The following AGR3 variants were observed in gnomAD, a reference collection of about 807,000 sequenced individuals.
AGR3 encodes anterior gradient 3, protein disulphide isomerase family member.
Under a neutral mutation model 24.5 loss-of-function variants are expected in AGR3, and 37 were observed. That is an observed-to-expected ratio of 1.51 (90% CI 1.16 to 1.99). AGR3 has a LOEUF of 1.99. Ranked by LOEUF, AGR3 falls within the 30% of genes most tolerant of loss-of-function variation. The pLI, the probability that AGR3 is intolerant of heterozygous loss-of-function variation, is 0.00. For missense variants in AGR3, 228 were observed against 191.1 expected (o/e 1.19, Z -1.14); for synonymous variants, 75 against 61.6 (o/e 1.22, Z -1.02).
chr7:16,878,373 C>A (rs1782032239), intron 2 of AGR3, 137 bp downstream of exon 2: 4 of 675,830 alleles, frequency 5.9e-6, no homozygotes, highest in African/African-American at 1.8e-5. Context: ...TTAAAAAATC[C>A]ATTTTGAAGT....
intron 1 of AGR3, among the ~76,000 whole-genome samples, chr7:16,880,470 C>CCCCTCCTTTCCCCTCCTT (rs1782089630): frequency 1.3e-4 from 6 of 47,646 alleles, no homozygotes; most frequent in African/African-American, 4.4e-4. Flanking sequence ...CTCCTTTCCT[C>CCCCTCCTTTCCCCTCCTT]TCCCCTCCTT....
At chr7:16,870,749 A>G (rs888699716) in intron 3 of AGR3, among the ~76,000 whole-genome samples, 1 of 152,068 alleles carries the variant, frequency 6.6e-6, no homozygotes, top group Non-Finnish European at 1.5e-5. Flanking sequence ...CTAAATCTCA[A>G]TTTGTCAGGG....
chr7:16,869,376 T>G, intron 3 of AGR3, among the ~76,000 whole-genome samples: 1 of 152,184 alleles, frequency 6.6e-6, no homozygotes, highest in Non-Finnish European at 1.5e-5. Flanking sequence ...TTGTTTTGTT[T>G]CCATTTATAT....
At chr7:16,856,166 A>T (rs1203988197), downstream of AGR3, among the ~76,000 whole-genome samples, 3 of 152,202 alleles carry the variant, frequency 2.0e-5, no homozygotes, top group Non-Finnish European at 4.4e-5. Flanking sequence ...AATTTCTTTT[A>T]TCCAGTCTAT....
chr7:16,866,334 T>C (rs892842347), intron 3 of AGR3: 3 of 514,550 alleles, frequency 5.8e-6, no homozygotes, highest in African/African-American at 5.7e-5. Context: ...TTCCCATCCA[T>C]AGTATAGGAC....
intron 3 of AGR3, chr7:16,864,358 C>T (rs995246399): frequency 2.7e-5 from 36 of 1,331,266 alleles, no homozygotes; most frequent in Non-Finnish European, 3.6e-5. Context: ...AGGCAGTTCA[C>T]TGGCACTATT....
intron 1 of AGR3, among the ~76,000 whole-genome samples, chr7:16,879,367 T>G (rs1420259513): frequency 2.0e-5 from 3 of 152,242 alleles, no homozygotes; most frequent in Non-Finnish European, 4.4e-5. Flanking sequence ...TAACTCAATG[T>G]GCATCTTTTA....
At position 16,863,269 on chromosome 7, in the gene AGR3, T is replaced by A. The variant is rs745895027; in HGVS notation, c.174-607A>T. Among the ~76,000 whole-genome samples the A allele has an allele frequency of 1.2e-3, 176 of 152,234 alleles. 1 individual carries two copies. Among genetic ancestry groups the A allele is most frequent in the Non-Finnish European group, 7.2e-4 (49 of 68,038 alleles). On this transcript the variant is annotated intron_variant, in intron 3 of 7. Transcript: ENST00000310398. ...TTATGAACAATGTATTCATTTCCAATGAACACTTAGTATAAGATTTCAGGA... is the reference window on the plus strand; with the variant it reads ...TTATGAACAATGTATTCATTTCCAAAGAACACTTAGTATAAGATTTCAGGA...
intron 2 of AGR3, among the ~76,000 whole-genome samples, 173 bp from the exon 3 acceptor site, chr7:16,874,016 T>C (rs1379487850): frequency 6.6e-6 from 1 of 152,202 alleles, no homozygotes; most frequent in East Asian, 1.9e-4. Flanking sequence ...GTGATTTCCC[T>C]TTAGATTGCA....
intron 1 of AGR3, among the ~76,000 whole-genome samples, chr7:16,880,548 T>TA (rs1412344331): frequency 1.4e-5 from 1 of 70,890 alleles, no homozygotes; most frequent in African/African-American, 5.6e-5. Flanking sequence ...TCCCCTCCTC[T>TA]CCCCTCCTTT....
intron 3 of AGR3, among the ~76,000 whole-genome samples, chr7:16,867,424 G>A (rs2471909): frequency 0.29 from 43,779 of 151,954 alleles, 7,812 homozygotes; most frequent in Non-Finnish European, 0.4. Flanking sequence ...ATGGTGTACA[G>A]TATGCTGTTT....
intron 2 of AGR3, among the ~76,000 whole-genome samples, chr7:16,875,681 C>T (rs1016016649): frequency 1.3e-5 from 2 of 151,738 alleles, no homozygotes; most frequent in Admixed American, 1.3e-4. Context: ...GAGGAGCTGC[C>T]GGGTTATTTT....
chr7:16,866,788 T>C (rs1781766585), intron 3 of AGR3, among the ~76,000 whole-genome samples: 1 of 152,180 alleles, frequency 6.6e-6, no homozygotes, highest in Non-Finnish European at 1.5e-5. Flanking sequence ...TTGACCTTTT[T>C]CTTGTTAATA....
chr7:16,854,934 G>A (rs368691799), downstream of AGR3, among the ~76,000 whole-genome samples: 18 of 152,236 alleles, frequency 1.2e-4, no homozygotes, highest in African/African-American at 4.3e-4. Context: ...AAGGAACCCA[G>A]TCATATTGGG....
At chr7:16,868,399 C>A (rs1029381620) in intron 3 of AGR3, among the ~76,000 whole-genome samples, 1 of 152,174 alleles carries the variant, frequency 6.6e-6, no homozygotes, top group African/African-American at 2.4e-5. Flanking sequence ...AAGTGATCTG[C>A]CCACCTTGGC....
intron 4 of AGR3, among the ~76,000 whole-genome samples, 158 bp downstream of exon 4, chr7:16,862,452 C>G (rs1169794818): frequency 6.6e-6 from 1 of 151,892 alleles, no homozygotes; most frequent in Non-Finnish European, 1.5e-5. Context: ...TCATTGTGGT[C>G]TTTAAGCACC....
chr7:16,865,247 C>G (rs1349979366), intron 3 of AGR3: 2 of 826,070 alleles, frequency 2.4e-6, no homozygotes, highest in East Asian at 4.9e-5. Flanking sequence ...TTCTTTTTTT[C>G]CTTGGCCATA....
In AGR3 at chr7:16,862,613, G is replaced by C. The variant is rs1781671424; in HGVS notation, c.223C>G (p.Gln75Glu). Residue 75 changes from glutamine (Q) to glutamate (E), a missense_variant, in exon 4 of 8, where the codon CAA (glutamine) becomes GAA (glutamate). Coordinates refer to ENST00000310398, the MANE Select transcript of AGR3 (RefSeq NM_176813.5). ...AGATATCAGGGGCTAAAATTACCTT[G>C]AGAGTATTGACAATCCTCCAGGTGA... ...IHHLEDCQYS[Q>E]ALKKVFAQNE... 1.3e-6 allele frequency: 2 copies of C among 1,517,680 alleles called. No homozygotes were observed. Among genetic ancestry groups the C allele is most frequent in the South Asian group, 1.4e-5 (1 of 73,636 alleles). The allele number at this position is 1,517,680 out of a possible 1,614,324, so 94.0% of individuals were successfully genotyped here. A position where few individuals can be genotyped will look rare whatever the true frequency, so the allele number is the denominator to read the frequency against.
At chr7:16,871,640 C>T (rs1017108530) in intron 3 of AGR3, among the ~76,000 whole-genome samples, 21 of 152,182 alleles carry the variant, frequency 1.4e-4, no homozygotes, top group South Asian at 2.1e-4. Context: ...ATCAAGAGTT[C>T]GAGACCAGCC....
Sources: gnomAD v4.1 joint callset for allele counts (sites outside exome capture counted in the v4.1 genomes callset) on GRCh38, gnomAD v4.1.1 for gene constraint, MANE v1.5 for transcripts, NCBI Gene and HGNC (gene_info 2026-07-23, HGNC 2026-07-21) for gene names.